DNAH7: variants seen among roughly 807,000 people sequenced by gnomAD.
DNAH7 encodes the protein axonemal beta dynein heavy chain 7.
A neutral mutation model predicts 444.6 loss-of-function variants in DNAH7; 397 were observed. That is an observed-to-expected ratio of 0.89 (90% CI 0.82 to 0.97). The LOEUF (loss-of-function observed/expected upper bound fraction) is 0.97, where lower values mean the gene tolerates loss of function less well. DNAH7 is among the 50% of genes least tolerant of loss of function. DNAH7 has a pLI of 0.00. For synonymous variants in DNAH7, 1,636 were observed against 1,624.4 expected, an observed-to-expected ratio of 1.01 and a Z score of -0.17; for missense variants, 4,902 against 4,800.8, an observed-to-expected ratio of 1.02 and a Z score of -0.62.
intron 19 of DNAH7, among the ~76,000 whole-genome samples, chr2:195,949,368 C>G (rs1690056426): frequency 6.6e-6 from 1 of 152,172 alleles, no homozygotes; most frequent in Non-Finnish European, 1.5e-5. Flanking sequence ...ACTGCAACCT[C>G]TGCCTCCCGA....
chr2:195,963,926 T>C (rs1199000632), intron 17 of DNAH7, among the ~76,000 whole-genome samples: 1 of 152,242 alleles, frequency 6.6e-6, no homozygotes, highest in Non-Finnish European at 1.5e-5. Context: ...TGTAGATTTA[T>C]GAATTTGTTT....
intron 24 of DNAH7, among the ~76,000 whole-genome samples, chr2:195,911,688 GT>G (rs1311194749): frequency 6.6e-6 from 1 of 152,170 alleles, no homozygotes; most frequent in African/African-American, 2.4e-5. Flanking sequence ...AGAATAACGA[GT>G]TTTAAGGGCT....
intron 21 of DNAH7, among the ~76,000 whole-genome samples, chr2:195,929,238 T>C (rs1207539616): frequency 6.6e-6 from 1 of 151,976 alleles, no homozygotes; most frequent in South Asian, 2.1e-4. Flanking sequence ...CACAAACAAA[T>C]AGAAAAATAT....
At position 195,845,139 on chromosome 2, in the gene DNAH7, C is replaced by G; in HGVS notation, c.8808G>C (p.Leu2936Phe). 1 of 1,612,118 alleles carries G rather than the reference C, an allele frequency of 6.2e-7. No homozygotes were observed. The highest frequency in any genetic ancestry group is 8.5e-7 in the Non-Finnish European group (1 of 1,179,376). ...AGCAGGGGATATCTCTTCCTTTGCACAAAGTTGTCCACTCTTTAGTTTGAT... is the reference window on the plus strand; with the variant it reads ...AGCAGGGGATATCTCTTCCTTTGCAGAAAGTTGTCCACTCTTTAGTTTGAT... ...RQNQTKEWTTLCKGRDIPCSD... is the reference protein window; with the variant it reads ...RQNQTKEWTTFCKGRDIPCSD... The change falls in exon 47 of 65, where the codon TTG becomes TTC. Residue 2936 changes from leucine to phenylalanine, a missense_variant. Leu to Phe is a conservative substitution (Grantham distance 22, BLOSUM62 0). Transcript: ENST00000312428.
intron 28 of DNAH7, among the ~76,000 whole-genome samples, chr2:195,899,548 C>A (rs1411193944): frequency 6.6e-6 from 1 of 152,088 alleles, no homozygotes; most frequent in Non-Finnish European, 1.5e-5. Context: ...TAGAATATCA[C>A]CACTATATAT....
In DNAH7 at chr2:195,832,463, G is replaced by A. The variant is rs550996190; in HGVS notation, c.9100+1743C>T. Reference sequence around the variant, plus strand: ...TTCTTTCTTTTTTTTTTTTCTTTGAGACAGGGTCTCACTGTGTTGCCCAGG... The same window carrying A: ...TTCTTTCTTTTTTTTTTTTCTTTGAAACAGGGTCTCACTGTGTTGCCCAGG... On this transcript the variant is annotated intron_variant, in intron 48 of 64. Transcript: ENST00000312428. 3.1e-4 allele frequency among the ~76,000 whole-genome samples: 46 copies of A among 149,088 alleles called. 1 individual carries two copies. In the South Asian group the frequency reaches 9.1e-3, roughly 29 times the overall value.
intron 7 of DNAH7, among the ~76,000 whole-genome samples, chr2:196,025,607 A>T (rs866929779): frequency 6.6e-6 from 1 of 152,156 alleles, no homozygotes; most frequent in African/African-American, 2.4e-5. Context: ...GACTTAGTTT[A>T]GGCTCCTCCA....
In DNAH7 at chr2:196,054,940, A is replaced by G. The variant is rs74975779; in HGVS notation, c.78+3114T>C. Among the ~76,000 whole-genome samples, 71 of 152,332 alleles carry G rather than the reference A, an allele frequency of 4.7e-4. 2 individuals are homozygous for G. The East Asian group carries it at 0.013, about 29-fold the overall frequency. The stretch of plus-strand genomic sequence containing the variant: ...CCCAGCCATGTGGAACTGTGAGTCA[A>G]CTAAAGCTCTTCTCTTCACAAATTA... On this transcript the variant is annotated intron_variant, in intron 2 of 64. Coordinates refer to ENST00000312428, the MANE Select transcript of DNAH7 (RefSeq NM_018897.3).
intron 40 of DNAH7, among the ~76,000 whole-genome samples, chr2:195,867,953 C>CTG (rs1553541460): frequency 2.0e-5 from 3 of 152,096 alleles, no homozygotes; most frequent in African/African-American, 7.2e-5. Context: ...AGGAGTGGAA[C>CTG]TGCTAGGTCA....
intron 49 of DNAH7, among the ~76,000 whole-genome samples, chr2:195,824,043 C>T (rs951046333): frequency 6.6e-6 from 1 of 152,092 alleles, no homozygotes. Context: ...ATTCTGATGA[C>T]CTTTTTTCAC....
intron 4 of DNAH7, among the ~76,000 whole-genome samples, chr2:196,047,886 C>T (rs527710215): frequency 6.6e-6 from 1 of 151,876 alleles, no homozygotes; most frequent in East Asian, 1.9e-4. Flanking sequence ...ATAAACACTA[C>T]ATTTAATGAG....
chr2:195,834,084 GTA>G, intron 48 of DNAH7, 120 bp downstream of exon 48: 2 of 997,732 alleles, frequency 2.0e-6, no homozygotes, highest in African/African-American at 3.2e-5. Context: ...GCATGTGCCT[GTA>G]GTCTCAGCTA....
intron 19 of DNAH7, among the ~76,000 whole-genome samples, chr2:195,949,576 G>A (rs946956297): frequency 1.4e-4 from 21 of 152,016 alleles, no homozygotes; most frequent in African/African-American, 4.3e-4. Context: ...GAGCCACAGC[G>A]CCTGGCTTAC....
At chr2:195,953,352 C>T (rs1293135546) in intron 19 of DNAH7, among the ~76,000 whole-genome samples, 1 of 152,166 alleles carries the variant, frequency 6.6e-6, no homozygotes, top group Non-Finnish European at 1.5e-5. Context: ...TGGAGTTCTC[C>T]TGTATGAGGT....
At chr2:195,943,555 T>G (rs903665594) in intron 19 of DNAH7, among the ~76,000 whole-genome samples, 4 of 152,112 alleles carry the variant, frequency 2.6e-5, no homozygotes, top group Non-Finnish European at 5.9e-5. Flanking sequence ...TCTAAATGAG[T>G]GCTGTATCAG....
At chr2:195,789,750 C>A in intron 57 of DNAH7, among the ~76,000 whole-genome samples, 1 of 151,306 alleles carries the variant, frequency 6.6e-6, no homozygotes, top group Non-Finnish European at 1.5e-5. Context: ...TCACCTGAAT[C>A]TAATCATGAG....
intron 15 of DNAH7, among the ~76,000 whole-genome samples, chr2:195,984,069 A>C (rs1692745593): frequency 1.3e-5 from 2 of 152,328 alleles, no homozygotes; most frequent in Non-Finnish European, 2.9e-5. Flanking sequence ...ATGTGACACA[A>C]GCAGAGTCTT....
At chr2:195,863,160 T>C (rs996118525) in intron 41 of DNAH7, among the ~76,000 whole-genome samples, 6 of 152,258 alleles carry the variant, frequency 3.9e-5, no homozygotes, top group East Asian at 1.9e-4. Context: ...GTCTATTTCA[T>C]GTGCTTCATC....
intron 24 of DNAH7, among the ~76,000 whole-genome samples, chr2:195,916,642 G>T (rs1489254390): frequency 6.6e-6 from 1 of 152,178 alleles, no homozygotes; most frequent in African/African-American, 2.4e-5. Flanking sequence ...TGGATCACTT[G>T]GGGCCAGGAG....
Sources: allele counts gnomAD v4.1 joint callset (sites outside exome capture counted in the v4.1 genomes callset), GRCh38; gene constraint gnomAD v4.1.1; transcripts MANE v1.5; gene names NCBI Gene and HGNC (gene_info 2026-07-23, HGNC 2026-07-21).